PHACTR2: variants seen among roughly 807,000 people sequenced by gnomAD.
PHACTR2 encodes the protein chromosome 6 open reading frame 56.
In PHACTR2, 30 loss-of-function variants were observed where a neutral mutation model predicts 76.0. The ratio of observed to expected loss-of-function variants is 0.39; its 90% confidence interval spans 0.30 to 0.54. The LOEUF is 0.54. PHACTR2 is among the 20% of genes least tolerant of loss of function. The pLI is 0.61. For missense variants in PHACTR2, 696 were observed against 781.1 expected (o/e 0.89, Z 1.30); for synonymous variants, 292 against 292.5 (o/e 1.00, Z 0.02).
At chr6:143,630,290 A>G (rs138003646) in intron 1 of PHACTR2, among the ~76,000 whole-genome samples, 13 of 122,788 alleles carry the variant, frequency 1.1e-4, no homozygotes, top group African/African-American at 3.2e-4. Context: ...CTAGAAAGCT[A>G]TAGTAAGGCA....
chr6:143,702,127 C>CTTTTTTTTTTTTTTT (rs909954007), intron 1 of PHACTR2, among the ~76,000 whole-genome samples: 2 of 105,756 alleles, frequency 1.9e-5, no homozygotes, highest in Non-Finnish European at 3.8e-5. Context: ...GTCTTCTTTG[C>CTTTTTTTTTTTTTTT]TTTTTTTTTT....
At position 143,546,861 on chromosome 6, in the gene PHACTR2, A is replaced by G. The variant is rs1440063945; in HGVS notation, c.217+9654A>G. On this transcript the variant is annotated intron_variant, in intron 1 of 11. Transcript: ENST00000367584. This position sits in a 1 kb window ranked among gnomAD's most constrained non-coding sequence, Gnocchi z 4.9. ...GGCAACATAGTGAGACCCCATCTCA[A>G]AAAAAAAAAAAATAAAAAATAAAAA... Among the ~76,000 whole-genome samples, 1 of 21,724 alleles carries G rather than the reference A, an allele frequency of 4.6e-5. No homozygotes were observed. The highest frequency in any genetic ancestry group is 1.6e-4 in the African/African-American group (1 of 6,204). The allele number at this position is 21,724 out of a possible 152,430, so 14.3% of individuals were successfully genotyped here.
At chr6:143,650,326 T>G (rs1051612389) in intron 1 of PHACTR2, among the ~76,000 whole-genome samples, 5 of 152,178 alleles carry the variant, frequency 3.3e-5, no homozygotes, top group Non-Finnish European at 7.3e-5. Context: ...CTTCACAGAA[T>G]TAGAAAAATC....
At chr6:143,677,598 GA>G (rs1449294166), upstream of PHACTR2, among the ~76,000 whole-genome samples, 3 of 151,974 alleles carry the variant, frequency 2.0e-5, no homozygotes, top group African/African-American at 2.4e-5. Flanking sequence ...TTTAAAACGA[GA>G]AAAAAATGGG....
At position 143,654,641 on chromosome 6, in the gene PHACTR2, C is replaced by T. The variant is rs1776818225; in HGVS notation, c.13+46319C>T. 6.6e-6 allele frequency among the ~76,000 whole-genome samples: 1 copy of T among 151,602 alleles called. No homozygotes were observed. Among genetic ancestry groups the T allele is most frequent in the Non-Finnish European group, 1.5e-5 (1 of 67,906 alleles). On this transcript the variant is annotated intron_variant, in intron 1 of 11. Transcript: ENST00000305766. This position sits in a 1 kb window ranked among gnomAD's most constrained non-coding sequence, Gnocchi z 4.6. ...GCAACATAGCAAGACTCCATCTCTA[C>T]AAAAAGTAAAAAATTAGCCAAGCAT...
Position 143,678,862 on chromosome 6 carries a change from T to A in PHACTR2, c.46+653T>A, listed in dbSNP as rs563868222. ...GTGTCTGAGTTCTAATGCTCTGTTT[T>A]AAAAGTTTCTTTTTTCCATTTTCTT... On this transcript the variant is annotated intron_variant, in intron 1 of 12. Transcript: ENST00000440869. This position sits in a 1 kb window ranked among gnomAD's most constrained non-coding sequence, Gnocchi z 6.2. Among the ~76,000 whole-genome samples the A allele has an allele frequency of 1.3e-5, 2 of 152,206 alleles. No homozygotes were observed. The highest frequency in any genetic ancestry group is 4.2e-4 in the South Asian group (2 of 4,816).
intron 9 of PHACTR2, among the ~76,000 whole-genome samples, chr6:143,779,439 C>A (rs1281704718): frequency 2.0e-5 from 3 of 151,680 alleles, no homozygotes; most frequent in Non-Finnish European, 4.4e-5. Context: ...AACCCCGCCT[C>A]CTGGGTTCAA....
upstream of PHACTR2, among the ~76,000 whole-genome samples, chr6:143,605,264 T>C (rs1185273320): frequency 6.6e-6 from 1 of 152,128 alleles, no homozygotes; most frequent in Admixed American, 6.5e-5. This position sits in a 1 kb window ranked among gnomAD's most constrained non-coding sequence, Gnocchi z 5.0. Flanking sequence ...GCTGAGTATA[T>C]ACTCATGGGA....
rs1244159474 is a variant in PHACTR2 at position 143,738,163 on chromosome 6, G to C, written c.215-10822G>C. Among the ~76,000 whole-genome samples the C allele has an allele frequency of 6.6e-6, 1 of 152,088 alleles. No homozygotes were observed. ...GCTGTGGCCCACGCCTGTAATCCTA[G>C]CACTTTGGGAGTCCTAGGCAGGCGG... is the stretch of plus-strand genomic sequence containing the variant. On this transcript the variant is annotated intron_variant, in intron 2 of 12. Transcript: ENST00000440869. This position sits in a 1 kb window ranked among gnomAD's most constrained non-coding sequence, Gnocchi z 4.0.
Position 143,825,576 on chromosome 6 carries a change from T to C in PHACTR2, c.*1887T>C, listed in dbSNP as rs940875682. On this transcript the variant is annotated 3_prime_UTR_variant, in exon 13 of 13. Transcript: ENST00000440869. The surrounding 1 kb of genome is among the most constrained non-coding windows in gnomAD (Gnocchi z 4.1). ...CTGTCTCTGGCTGAGGTTTTGTCTA[T>C]TTTACAGTGTTTCAATCCAGCCATA... 2.0e-5 allele frequency: 3 copies of C among 152,168 alleles called. No homozygotes were observed. Among genetic ancestry groups the C allele is most frequent in the Non-Finnish European group, 4.4e-5 (3 of 68,030 alleles). The allele number at this position is 152,168 out of a possible 1,614,324, so 9.4% of individuals were successfully genotyped here.
In PHACTR2 at chr6:143,757,590, G is replaced by A. The variant is rs567471990; in HGVS notation, c.455-2811G>A. 8.5e-5 allele frequency among the ~76,000 whole-genome samples: 13 copies of A among 152,280 alleles called. No individual in the cohort carries two copies. The highest frequency in any genetic ancestry group is 1.9e-4 in the East Asian group (1 of 5,180). On this transcript the variant is annotated intron_variant, in intron 4 of 12. Transcript: ENST00000440869. This position sits in a 1 kb window ranked among gnomAD's most constrained non-coding sequence, Gnocchi z 4.2. ...TGGGAAACAGCTTGTTTTCCAGACC[G>A]CATTGCTGGAAAGGCTAGCGTCCTT...
intron 2 of PHACTR2, among the ~76,000 whole-genome samples, chr6:143,727,240 A>G (rs1211762137): frequency 2.0e-5 from 3 of 152,104 alleles, no homozygotes; most frequent in Non-Finnish European, 2.9e-5. Flanking sequence ...TTTACTTAAC[A>G]TAATTTCCTC....
chr6:143,713,666 G>A (rs1316441472), intron 2 of PHACTR2, among the ~76,000 whole-genome samples: 1 of 152,156 alleles, frequency 6.6e-6, no homozygotes, highest in Non-Finnish European at 1.5e-5. Flanking sequence ...GTAGTTGAAT[G>A]TGCTAAACTC....
At chr6:143,732,362 A>G (rs979437960) in intron 2 of PHACTR2, among the ~76,000 whole-genome samples, 1 of 152,204 alleles carries the variant, frequency 6.6e-6, no homozygotes, top group Non-Finnish European at 1.5e-5. Context: ...TCTCATACAG[A>G]TGGAATCATA....
rs186644104 is a variant in PHACTR2 at position 143,715,858 on chromosome 6, G to A, written c.214+3675G>A. 7.9e-5 allele frequency among the ~76,000 whole-genome samples: 12 copies of A among 152,248 alleles called. No individual in the cohort carries two copies. In the East Asian group the frequency reaches 1.4e-3, roughly 17 times the overall value. ...TCTACATTCTATCAGTTCCTAAAAC[G>A]TTTGATTTATTTTCTCCTCACGCAG... On this transcript the variant is annotated intron_variant, in intron 2 of 12. Coordinates refer to ENST00000440869, the MANE Select transcript of PHACTR2 (RefSeq NM_001100164.2).
chr6:143,746,359 C>T (rs1389277239), intron 2 of PHACTR2, among the ~76,000 whole-genome samples: 1 of 152,150 alleles, frequency 6.6e-6, no homozygotes, highest in African/African-American at 2.4e-5. Flanking sequence ...AAGCAGCAAA[C>T]CAGTAAAAGT....
At chr6:143,737,050 C>T (rs1582825780) in intron 2 of PHACTR2, among the ~76,000 whole-genome samples, 1 of 151,616 alleles carries the variant, frequency 6.6e-6, no homozygotes, top group Non-Finnish European at 1.5e-5. Flanking sequence ...TGGAATACAT[C>T]CTATATAAAA....
In PHACTR2 at chr6:143,772,568, C is replaced by T; in HGVS notation, c.1432+111C>T. 2.7e-6 allele frequency: 2 copies of T among 742,856 alleles called. No homozygotes were observed. The highest frequency in any genetic ancestry group is 4.5e-6 in the Non-Finnish European group (2 of 444,634). The allele number at this position is 742,856 out of a possible 1,614,324, so 46.0% of individuals were successfully genotyped here. On this transcript the variant is annotated intron_variant, in intron 7 of 12. Transcript: ENST00000440869. This position sits in a 1 kb window ranked among gnomAD's most constrained non-coding sequence, Gnocchi z 5.4. ...AACCAGACATCTGATGTTTTCTTTC[C>T]CCTCATCCTCCTTTCTCAAATTAGA... is the stretch of plus-strand genomic sequence containing the variant.
In PHACTR2 at chr6:143,662,351, AAAG is replaced by A. The variant is rs1281861830; in HGVS notation, c.14-49660_14-49658del. Among the ~76,000 whole-genome samples the A allele has an allele frequency of 2.0e-5, 3 of 152,204 alleles. No homozygotes were observed. The highest frequency in any genetic ancestry group is 2.9e-5 in the Non-Finnish European group (2 of 68,032). On this transcript the variant is annotated intron_variant, in intron 1 of 11. Transcript: ENST00000305766. This position sits in a 1 kb window ranked among gnomAD's most constrained non-coding sequence, Gnocchi z 4.7. ...TTTAAAATACAAGGAACATAAAAGT[AAAG>A]AAGAGATGAAGTTAAGCCTGTTAAA... is the stretch of plus-strand genomic sequence containing the variant.
Sources: gnomAD v4.1 joint callset for allele counts (sites outside exome capture counted in the v4.1 genomes callset) on GRCh38, gnomAD v4.1.1 for gene constraint, Gnocchi (gnomAD v3.1) non-coding constraint, MANE v1.5 for transcripts, NCBI Gene and HGNC (gene_info 2026-07-23, HGNC 2026-07-21) for gene names.